Variants in DHRS7C observed in about 807,000 individuals in gnomAD.
DHRS7C encodes dehydrogenase/reductase SDR family member 7C.
DHRS7C carries 28 observed loss-of-function variants against 29.6 expected under a neutral mutation model. The ratio of observed to expected loss-of-function variants is 0.95; its 90% CI spans 0.70 to 1.30. The LOEUF (loss-of-function observed/expected upper bound fraction) is 1.30. DHRS7C is among the 50% of genes most tolerant of loss of function. The probability of loss-of-function intolerance (pLI) is 0.00; values close to 1 mark genes in which losing one functional copy is unlikely to be tolerated. For missense variants in DHRS7C, 403 were observed against 393.3 expected (o/e 1.02, Z -0.21); for synonymous variants, 158 against 160.2 (o/e 0.99, Z 0.10).
chr17:9,781,543 T>A lies in DHRS7C; in HGVS notation c.206A>T (p.Lys69Met). ...TAGGTTCTCTAGCCTCTCCCAGTTC[T>A]TTCCACACAGCACCAGCCTTGCCCC... is the stretch of plus-strand genomic sequence containing the variant. ...TGGARLVLCGKNWERLENLYD... is the reference protein window; with the variant it reads ...TGGARLVLCGMNWERLENLYD... Residue 69 changes from lysine to methionine, a missense_variant, in exon 2 of 6, where the codon AAG (lysine) becomes ATG (methionine). Coordinates refer to ENST00000571134, the MANE Select transcript of DHRS7C (RefSeq NM_001105571.3). The A allele has an allele frequency of 1.9e-6, 3 of 1,614,040 alleles. No individual in the cohort carries two copies. The highest frequency in any genetic ancestry group is 2.2e-5 in the South Asian group (2 of 91,088).
Position 9,772,862 on chromosome 17 carries a change from T to C in DHRS7C, c.632A>G (p.Glu211Gly). The stretch of plus-strand genomic sequence containing the variant: ...CACGGTGCTGATGACAACATCGTAT[T>C]CCTCCACTTCGGCTCGGAGGCAGTC... ...FFDCLRAEVE[E>G]YDVVISTVSP... The change falls in exon 5 of 6, where the codon GAA (glutamate) becomes GGA (glycine). Residue 211 changes from glutamate to glycine, a missense_variant. Coordinates refer to ENST00000571134, the MANE Select transcript of DHRS7C (RefSeq NM_001105571.3). 6.2e-7 allele frequency: 1 copy of C among 1,613,900 alleles called. No individual in the cohort carries two copies. Among genetic ancestry groups the C allele is most frequent in the Non-Finnish European group, 8.5e-7 (1 of 1,179,886 alleles).
rs1567700387 is a variant in DHRS7C at position 9,774,443 on chromosome 17, C to G, written c.572-1521G>C. ...GAGATTATGGGTACACACCATCATG[C>G]CTGGCTAATTTTTGTATTTTTAGTA... On this transcript the variant is annotated intron_variant, in intron 4 of 5. Coordinates refer to ENST00000571134, the MANE Select transcript of DHRS7C (RefSeq NM_001105571.3). This position sits in a 1 kb window ranked among gnomAD's most constrained non-coding sequence, Gnocchi z 5.0. Among the ~76,000 whole-genome samples, 2 of 152,102 alleles carry G rather than the reference C, an allele frequency of 1.3e-5. No homozygotes were observed. The highest frequency in any genetic ancestry group is 2.9e-5 in the Non-Finnish European group (2 of 68,028).
intron 1 of DHRS7C, among the ~76,000 whole-genome samples, chr17:9,788,454 G>GC (rs1456471875): frequency 6.6e-6 from 1 of 151,886 alleles, no homozygotes; most frequent in Non-Finnish European, 1.5e-5. Flanking sequence ...TGATCCACCC[G>GC]CCTCAGCCTC....
chr17:9,791,258 G>A lies in DHRS7C; in HGVS notation c.27C>T (p.Leu9=), dbSNP rs762078139. 7 of 1,613,782 alleles carry A rather than the reference G, an allele frequency of 4.3e-6. No individual in the cohort carries two copies. The highest frequency in any genetic ancestry group is 2.2e-5 in the South Asian group (2 of 90,980). Residue 9 remains leucine (L), a synonymous_variant, in exon 1 of 6, where the codon CTC becomes CTT. Transcript: ENST00000571134. ...CGCTGATTCCCAGCAGCAGCAGGGG[G>A]AGCATCAGCATGGCCATGACTCCCA... MGVMAMLM[L]PLLLLGISGL...
chr17:9,787,472 T>C (rs75939932), intron 1 of DHRS7C, among the ~76,000 whole-genome samples: 19,814 of 152,184 alleles, frequency 0.13, 1,674 homozygotes, highest in Non-Finnish European at 0.2. Flanking sequence ...AGCCTAGAGG[T>C]GCTGCTCCTG....
chr17:9,791,363 G>T lies in DHRS7C; in HGVS notation c.-79C>A. ...GATCAGGACTCCCAGGGCAGGGGGAGGCCCAAGGCTGCAGGGAGCTCAGCT... is the reference window on the plus strand; with the variant it reads ...GATCAGGACTCCCAGGGCAGGGGGATGCCCAAGGCTGCAGGGAGCTCAGCT... On this transcript the variant is annotated 5_prime_UTR_variant, in exon 1 of 6. Transcript: ENST00000571134. 6.5e-7 allele frequency: 1 copy of T among 1,526,838 alleles called. No homozygotes were observed. Among genetic ancestry groups the T allele is most frequent in the African/African-American group, 1.4e-5 (1 of 73,516 alleles). The allele number at this position is 1,526,838 out of a possible 1,614,324, so 94.6% of individuals were successfully genotyped here.
Position 9,791,447 on chromosome 17 carries a change from A to C in DHRS7C, c.-163T>G. ...CGTGCTAATCCCCAAATGTTCAACAAATAGGAAGTTACTCACAGTGTCTCC... is the reference window on the plus strand; with the variant it reads ...CGTGCTAATCCCCAAATGTTCAACACATAGGAAGTTACTCACAGTGTCTCC... On this transcript the variant is annotated 5_prime_UTR_variant, in exon 1 of 6. The change creates a new upstream start codon in the 5' untranslated region. Coordinates refer to ENST00000571134, the MANE Select transcript of DHRS7C (RefSeq NM_001105571.3). 1 of 754,056 alleles carries C rather than the reference A, an allele frequency of 1.3e-6. No homozygotes were observed. The highest frequency in any genetic ancestry group is 2.0e-6 in the Non-Finnish European group (1 of 488,148). The allele number at this position is 754,056 out of a possible 1,614,324, so 46.7% of individuals were successfully genotyped here.
chr17:9,780,096 GGA>G lies in DHRS7C; in HGVS notation c.268-63_268-62del, dbSNP rs1419505715. On this transcript the variant is annotated intron_variant, in intron 2 of 5. Transcript: ENST00000571134. ...GATCTCCTCCCTCTTGCAGACCTTG[GGA>G]GCCCTCGATCTAAAAGCCACCCATT... is the stretch of plus-strand genomic sequence containing the variant. 4 of 1,486,438 alleles carry G rather than the reference GGA, an allele frequency of 2.7e-6. No individual in the cohort carries two copies. The African/African-American group carries it at 5.6e-5, about 21-fold the overall frequency. 92.1% of individuals were successfully genotyped at this position (1,486,438 alleles called of 1,614,324 possible).
intron 1 of DHRS7C, among the ~76,000 whole-genome samples, chr17:9,784,137 A>G (rs969829340): frequency 3.0e-4 from 46 of 152,002 alleles, no homozygotes; most frequent in Non-Finnish European, 1.5e-4. Flanking sequence ...TGAAAGAAAA[A>G]AAATCCTAAT....
chr17:9,791,069 C>T, intron 1 of DHRS7C, 62 bp downstream of exon 1: 2 of 1,542,904 alleles, frequency 1.3e-6, no homozygotes, highest in Non-Finnish European at 1.8e-6. Flanking sequence ...GCCCTGCCAC[C>T]CTGCCATCCT....
chr17:9,791,365 C>T lies in DHRS7C; in HGVS notation c.-81G>A. On this transcript the variant is annotated 5_prime_UTR_variant, in exon 1 of 6. Transcript: ENST00000571134. ...TCAGGACTCCCAGGGCAGGGGGAGGCCCAAGGCTGCAGGGAGCTCAGCTCT... is the reference window on the plus strand; with the variant it reads ...TCAGGACTCCCAGGGCAGGGGGAGGTCCAAGGCTGCAGGGAGCTCAGCTCT... The T allele has an allele frequency of 6.6e-7, 1 of 1,517,120 alleles. No individual in the cohort carries two copies. 94.0% of individuals were successfully genotyped at this position (1,517,120 alleles called of 1,614,324 possible).
At chr17:9,788,398 G>A (rs956347005) in intron 1 of DHRS7C, among the ~76,000 whole-genome samples, 4 of 151,886 alleles carry the variant, frequency 2.6e-5, no homozygotes, top group Non-Finnish European at 5.9e-5. Flanking sequence ...GTAGAGACGG[G>A]GTTTTACCAT....
chr17:9,788,031 T>C (rs915604505), intron 1 of DHRS7C, among the ~76,000 whole-genome samples: 4 of 151,722 alleles, frequency 2.6e-5, no homozygotes, highest in Non-Finnish European at 2.9e-5. Flanking sequence ...CCTATGGGGA[T>C]TGTAAGATGC....
Position 9,774,634 on chromosome 17 carries a change from G to C in DHRS7C, c.572-1712C>G, listed in dbSNP as rs1198921547. Among the ~76,000 whole-genome samples the C allele has an allele frequency of 6.6e-6, 1 of 152,170 alleles. No individual in the cohort carries two copies. The highest frequency in any genetic ancestry group is 1.5e-5 in the Non-Finnish European group (1 of 68,024). The stretch of plus-strand genomic sequence containing the variant: ...AGAGATGTGTGCCTGCAGCAGGAGG[G>C]ACACATGGCAGGCTGCCTTCCCTTT... On this transcript the variant is annotated intron_variant, in intron 4 of 5. Transcript: ENST00000571134. The surrounding 1 kb of genome is among the most constrained non-coding windows in gnomAD (Gnocchi z 5.0).
intron 3 of DHRS7C, among the ~76,000 whole-genome samples, chr17:9,779,340 G>A (rs1001785823): frequency 3.0e-4 from 46 of 152,246 alleles, no homozygotes; most frequent in African/African-American, 1.0e-3. Flanking sequence ...TCTGTGAAGG[G>A]GTTGACAGAA....
chr17:9,790,548 C>T (rs1459174560), intron 1 of DHRS7C, among the ~76,000 whole-genome samples: 4 of 152,154 alleles, frequency 2.6e-5, no homozygotes, highest in Admixed American at 6.5e-5. Flanking sequence ...GGCCCACTAG[C>T]GTGGGCATGT....
In DHRS7C at chr17:9,777,165, A is replaced by G. The variant is rs771237384; in HGVS notation, c.571+28T>C. 8.9e-6 allele frequency: 14 copies of G among 1,581,318 alleles called. No individual in the cohort carries two copies. In the Admixed American group the frequency reaches 1.7e-4, roughly 19 times the overall value. The stretch of plus-strand genomic sequence containing the variant: ...TATACCATAAGACATACAACAGAAG[A>G]TATCATATTTTTATCTTAGCAACTT... On this transcript the variant is annotated intron_variant, in intron 4 of 5. Coordinates refer to ENST00000571134, the MANE Select transcript of DHRS7C (RefSeq NM_001105571.3).
chr17:9,782,131 TAGAC>T (rs1231055053), intron 1 of DHRS7C, among the ~76,000 whole-genome samples: 1 of 152,190 alleles, frequency 6.6e-6, no homozygotes, highest in Non-Finnish European at 1.5e-5. Context: ...TGTTACCTGG[TAGAC>T]ATACAGAATT....
intron 3 of DHRS7C, 75 bp from the exon 4 acceptor site, chr17:9,777,360 C>T: frequency 7.7e-7 from 1 of 1,291,574 alleles, no homozygotes; most frequent in Non-Finnish European, 1.1e-6. Context: ...GACCCCTGCC[C>T]CCGGTACCCT....
Sources: gnomAD v4.1 joint callset for allele counts (sites outside exome capture counted in the v4.1 genomes callset) on GRCh38, gnomAD v4.1.1 for gene constraint, Gnocchi (gnomAD v3.1) non-coding constraint, MANE v1.5 for transcripts, NCBI Gene and HGNC (gene_info 2026-07-23, HGNC 2026-07-21) for gene names.